Variants in PCDH9 observed in about 807,000 individuals in gnomAD.
The protein encoded by PCDH9 is protocadherin-9.
In PCDH9, 24 loss-of-function variants were observed where a neutral mutation model predicts 70.6. That is an observed-to-expected ratio of 0.34 (90% CI 0.25 to 0.48). The LOEUF is 0.48. Ranked by LOEUF, PCDH9 falls within the 20% of genes least tolerant of loss-of-function variation. The probability of loss-of-function intolerance (pLI) is 0.99; values close to 1 mark genes in which losing one functional copy is unlikely to be tolerated. For missense variants in PCDH9, 1,281 were observed against 1,503.6 expected, an observed-to-expected ratio of 0.85 and a Z score of 2.45; for synonymous variants, 562 against 558.5, an observed-to-expected ratio of 1.01 and a Z score of -0.09.
At chr13:66,491,364 G>A (rs1959028824) in intron 4 of PCDH9, among the ~76,000 whole-genome samples, 1 of 122,570 alleles carries the variant, frequency 8.2e-6, no homozygotes, top group African/African-American at 3.0e-5. Context: ...TGGTGTGTGT[G>A]TTGGGTGAGG....
intron 2 of PCDH9, among the ~76,000 whole-genome samples, chr13:67,044,777 C>T (rs1381295609): frequency 6.6e-6 from 1 of 151,836 alleles, no homozygotes; most frequent in Non-Finnish European, 1.5e-5. Context: ...CCCTTAAGGG[C>T]AAAAATGTCA....
intron 4 of PCDH9, among the ~76,000 whole-genome samples, chr13:66,333,791 A>G (rs144521416): frequency 6.6e-6 from 1 of 152,276 alleles, no homozygotes; most frequent in South Asian, 2.1e-4. Flanking sequence ...TAAAAAATGT[A>G]TGTGACCCTG....
intron 3 of PCDH9, among the ~76,000 whole-genome samples, chr13:66,902,725 A>C (rs535157492): frequency 6.6e-6 from 1 of 151,940 alleles, no homozygotes; most frequent in South Asian, 2.1e-4. Flanking sequence ...TCCATTTCAC[A>C]ACAATGCAAA....
intron 3 of PCDH9, among the ~76,000 whole-genome samples, chr13:66,883,228 G>A (rs954194231): frequency 1.3e-5 from 2 of 152,146 alleles, no homozygotes; most frequent in South Asian, 2.1e-4. Flanking sequence ...ATTTCTAGAG[G>A]TGAAAATAAT....
intron 2 of PCDH9, among the ~76,000 whole-genome samples, chr13:67,122,274 C>T (rs753047292): frequency 6.6e-6 from 1 of 152,062 alleles, no homozygotes; most frequent in Non-Finnish European, 1.5e-5. Flanking sequence ...TGTGTAATTA[C>T]ACATTGTAAT....
At chr13:67,104,706 G>A (rs578182103) in intron 2 of PCDH9, among the ~76,000 whole-genome samples, 26 of 152,072 alleles carry the variant, frequency 1.7e-4, no homozygotes, top group African/African-American at 5.3e-4. Flanking sequence ...CCACCACCAC[G>A]CTAGGCTAAT....
chr13:67,226,923 A>G lies in PCDH9; in HGVS notation c.1518T>C (p.Tyr506=), dbSNP rs2138143644. The G allele has an allele frequency of 1.2e-6, 2 of 1,614,224 alleles. No individual in the cohort carries two copies. Among genetic ancestry groups the G allele is most frequent in the East Asian group, 4.5e-5 (2 of 44,882 alleles). ...EDSGKNADIV[Y]QLGPNASFFD... ...AGAAGGAGGCATTCGGTCCAAGCTGATAAACAATGTCTGCATTTTTCCCAC... is the reference window on the plus strand; with the variant it reads ...AGAAGGAGGCATTCGGTCCAAGCTGGTAAACAATGTCTGCATTTTTCCCAC... Residue 506 remains tyrosine, a synonymous_variant, in exon 2 of 5, where the codon TAT becomes TAC. Coordinates refer to ENST00000377865, the MANE Select transcript of PCDH9 (RefSeq NM_203487.3). This position sits in a 1 kb window ranked among gnomAD's most constrained non-coding sequence, Gnocchi z 5.0.
At chr13:66,667,132 A>T (rs1271949552) in intron 3 of PCDH9, among the ~76,000 whole-genome samples, 1 of 152,176 alleles carries the variant, frequency 6.6e-6, no homozygotes, top group African/African-American at 2.4e-5. Flanking sequence ...AAGAAAAAAA[A>T]TCTGATAAAA....
intron 3 of PCDH9, among the ~76,000 whole-genome samples, chr13:66,728,912 CAG>C (rs1486893579): frequency 1.3e-5 from 2 of 151,780 alleles, no homozygotes; most frequent in East Asian, 3.9e-4. Flanking sequence ...AGCTTTTTGC[CAG>C]ATTTTTATTC....
chr13:66,967,550 A>T (rs968822537), intron 2 of PCDH9, among the ~76,000 whole-genome samples: 3 of 152,038 alleles, frequency 2.0e-5, no homozygotes, highest in Non-Finnish European at 2.9e-5. Context: ...ATTGAGACAT[A>T]CATGCATATT....
At chr13:67,151,201 A>G (rs2087651685) in intron 2 of PCDH9, among the ~76,000 whole-genome samples, 1 of 152,060 alleles carries the variant, frequency 6.6e-6, no homozygotes, top group Non-Finnish European at 1.5e-5. Context: ...TTTAAAAAAA[A>G]ATCACATTCA....
intron 3 of PCDH9, among the ~76,000 whole-genome samples, chr13:66,835,131 T>A (rs933095007): frequency 6.6e-6 from 1 of 152,236 alleles, no homozygotes; most frequent in African/African-American, 2.4e-5. Context: ...ACATAGTCAC[T>A]GAAGACAATC....
chr13:66,626,214 G>A (rs2077497145), intron 4 of PCDH9, among the ~76,000 whole-genome samples: 1 of 151,876 alleles, frequency 6.6e-6, no homozygotes, highest in South Asian at 2.1e-4. Context: ...TGAGAGGGGA[G>A]GGAATATAAA....
At chr13:66,700,923 A>AATATATATAT (rs58852431) in intron 3 of PCDH9, among the ~76,000 whole-genome samples, 101 of 58,412 alleles carry the variant, frequency 1.7e-3, no homozygotes, top group East Asian at 3.0e-3. Flanking sequence ...TGTACATATA[A>AATATATATAT]ATATATATAT....
intron 4 of PCDH9, among the ~76,000 whole-genome samples, chr13:66,481,124 G>A (rs1958827127): frequency 6.6e-6 from 1 of 151,936 alleles, no homozygotes; most frequent in Non-Finnish European, 1.5e-5. Flanking sequence ...TGGACACAAA[G>A]AGGGGAACAT....
chr13:66,571,574 A>G (rs1035514901), intron 4 of PCDH9, among the ~76,000 whole-genome samples: 3 of 151,926 alleles, frequency 2.0e-5, no homozygotes, highest in African/African-American at 4.8e-5. Context: ...TCTGCTCTAC[A>G]TATCAGTTGT....
At chr13:66,977,707 G>C (rs902931185) in intron 2 of PCDH9, among the ~76,000 whole-genome samples, 4 of 152,056 alleles carry the variant, frequency 2.6e-5, no homozygotes, top group African/African-American at 4.8e-5. Flanking sequence ...AATGGTAACT[G>C]AGCAGAAGGT....
At chr13:66,374,789 T>C (rs1956719962) in intron 4 of PCDH9, among the ~76,000 whole-genome samples, 1 of 152,100 alleles carries the variant, frequency 6.6e-6, no homozygotes, top group South Asian at 2.1e-4. Context: ...AACTGCAGGG[T>C]ATATGTCTAT....
intron 2 of PCDH9, chr13:67,220,209 T>C (rs1305153912): frequency 6.6e-6 from 1 of 151,888 alleles, no homozygotes; most frequent in East Asian, 1.9e-4. Flanking sequence ...GAAATAAGAT[T>C]ACAGAAAACA....
Sources: gnomAD v4.1 joint callset for allele counts (sites outside exome capture counted in the v4.1 genomes callset) on GRCh38, gnomAD v4.1.1 for gene constraint, Gnocchi (gnomAD v3.1) non-coding constraint, MANE v1.5 for transcripts, NCBI Gene and HGNC (gene_info 2026-07-23, HGNC 2026-07-21) for gene names.